Variants in CEP131 observed in about 807,000 individuals in gnomAD.
The protein encoded by CEP131 is centrosomal protein 131, also known as centrosomal protein of 131 kDa.
In CEP131, 99 loss-of-function variants were observed where a neutral mutation model predicts 136.8. The ratio of observed to expected loss-of-function variants is 0.72; its 90% CI spans 0.62 to 0.86. The LOEUF (loss-of-function observed/expected upper bound fraction) is 0.86, where lower values mean the gene tolerates loss of function less well. Ranked by LOEUF, CEP131 falls within the 40% of genes least tolerant of loss-of-function variation. CEP131 has a pLI of 0.00. For synonymous variants in CEP131, 646 were observed against 612.7 expected (o/e 1.05, Z -0.80); for missense variants, 1,459 against 1,463.0 (o/e 1.00, Z 0.04).
chr17:81,190,641 C>G lies in CEP131; in HGVS notation c.3105G>C (p.Arg1035=). The G allele has an allele frequency of 1.3e-6, 2 of 1,585,430 alleles. No individual in the cohort carries two copies. Among genetic ancestry groups the G allele is most frequent in the Non-Finnish European group, 1.7e-6 (2 of 1,170,714 alleles). ...GCCCTGCAGCCCCCGCCGCCCACCT[C>G]CGGTGCACCTCCTCCAGCTCCAGCT... The part of the protein sequence containing the change: ...RQQLELEEVH[R]RVKTALARKE... Residue 1035 remains arginine (R), a splice_region_variant and synonymous_variant, in exon 24 of 26, where the codon CGG becomes CGC. Transcript: ENST00000450824.
At chr17:81,201,581 T>C (rs999332359) in intron 7 of CEP131, among the ~76,000 whole-genome samples, 4 of 152,216 alleles carry the variant, frequency 2.6e-5, no homozygotes, top group Non-Finnish European at 4.4e-5. Flanking sequence ...TGAGGTACAA[T>C]TTCCATACTA....
Position 81,203,668 on chromosome 17 carries a change from A to C in CEP131, c.516-61T>G. 43 of 1,318,276 alleles carry C rather than the reference A, an allele frequency of 3.3e-5. No homozygotes were observed. The highest frequency in any genetic ancestry group is 4.2e-5 in the Non-Finnish European group (40 of 944,802). 81.7% of individuals were successfully genotyped at this position (1,318,276 alleles called of 1,614,324 possible). On this transcript the variant is annotated intron_variant, in intron 5 of 25. Coordinates refer to ENST00000450824, the MANE Select transcript of CEP131 (RefSeq NM_014984.4). This position sits in a 1 kb window ranked among gnomAD's most constrained non-coding sequence, Gnocchi z 4.6. ...CTCTGGAGGGGACGCCTGAGATCTCAGAGCTACACTCGCAGCACGGGCTGG... is the reference window on the plus strand; with the variant it reads ...CTCTGGAGGGGACGCCTGAGATCTCCGAGCTACACTCGCAGCACGGGCTGG...
In CEP131 at chr17:81,198,239, C is replaced by T; in HGVS notation, c.1346G>A (p.Gly449Glu). The change falls in exon 12 of 26, where the codon GGG becomes GAG. Residue 449 changes from glycine to glutamate, a missense_variant. Gly to Glu is a moderately conservative substitution (Grantham distance 98). Around this residue, in one of 3 missense-constraint regions of CEP131, gnomAD observed 1,026 missense variants for 964.2 expected, o/e 1.06. Coordinates refer to ENST00000450824, the MANE Select transcript of CEP131 (RefSeq NM_014984.4). Reference protein sequence around the residue: ...DNLEMMAPSRGSAKSRGPLEE... With the variant: ...DNLEMMAPSRESAKSRGPLEE... ...CAGTGGCCCCCTGGACTTGGCGCTCCCCCTGCTCGGGGCCATCATCTCCAG... is the reference window on the plus strand; with the variant it reads ...CAGTGGCCCCCTGGACTTGGCGCTCTCCCTGCTCGGGGCCATCATCTCCAG... 2 of 1,603,444 alleles carry T rather than the reference C, an allele frequency of 1.2e-6. No homozygotes were observed. The highest frequency in any genetic ancestry group is 1.7e-6 in the Non-Finnish European group (2 of 1,175,236).
At chr17:81,205,832 G>C (rs1567869519) in intron 5 of CEP131, among the ~76,000 whole-genome samples, 1 of 152,164 alleles carries the variant, frequency 6.6e-6, no homozygotes, top group African/African-American at 2.4e-5. Flanking sequence ...CCAGGAGGTA[G>C]AGGCTGCAGT....
rs759965035 is a variant in CEP131, at chr17:81,197,909, A to T, written c.1471-21T>A. ...TCCTCCTGTGGGACAGGAGCCCAGC[A>T]TCGGGGGCTGTCAGGGCAGCCTGAG... On this transcript the variant is annotated intron_variant, in intron 12 of 25. Transcript: ENST00000450824. The T allele has an allele frequency of 2.5e-6, 4 of 1,603,894 alleles. No homozygotes were observed. The Admixed American group carries it at 6.7e-5, about 27-fold the overall frequency.
chr17:81,204,620 A>G (rs929143301), intron 5 of CEP131, among the ~76,000 whole-genome samples: 1 of 151,990 alleles, frequency 6.6e-6, no homozygotes, highest in African/African-American at 2.4e-5. Flanking sequence ...CCAAAATCAA[A>G]CCAACAGAAC....
intron 2 of CEP131, among the ~76,000 whole-genome samples, chr17:81,214,771 CA>C (rs1023829686): frequency 0.011 from 1,700 of 148,426 alleles, 37 homozygotes; most frequent in African/African-American, 0.04. Context: ...CAATGCCTAT[CA>C]AAAAAAAAAA....
chr17:81,203,078 G>A lies in CEP131; in HGVS notation c.629+416C>T, dbSNP rs2146602572. Among the ~76,000 whole-genome samples the A allele has an allele frequency of 6.6e-6, 1 of 152,304 alleles. No homozygotes were observed. The highest frequency in any genetic ancestry group is 2.1e-4 in the South Asian group (1 of 4,830). ...CCAATCCCCGCAAGACCATGTGGTG[G>A]TGGACTCGGGGGCTCCTTTGCCCCG... On this transcript the variant is annotated intron_variant, in intron 6 of 25. Transcript: ENST00000450824. This position sits in a 1 kb window ranked among gnomAD's most constrained non-coding sequence, Gnocchi z 4.6.
rs770242250 is a variant in CEP131, at chr17:81,191,044, C to G, written c.2806G>C (p.Glu936Gln). 2.0e-5 allele frequency: 32 copies of G among 1,609,892 alleles called. No homozygotes were observed. Among genetic ancestry groups the G allele is most frequent in the South Asian group, 1.9e-4 (17 of 90,994 alleles). ...LRDKYEAELS[E>Q]LEQSERKLQE... ...AGCTTCCGCTCCGACTGCTCCAGCT[C>G]GGAGAGCTCGGCCTCGTACTTGTCC... Residue 936 changes from glutamate (E) to glutamine (Q), a missense_variant, in exon 23 of 26, where the codon GAG becomes CAG. Glu to Gln is a conservative substitution (Grantham distance 29). Around this residue, in one of 3 missense-constraint regions of CEP131, gnomAD observed 1,026 missense variants for 964.2 expected, o/e 1.06. Coordinates refer to ENST00000450824, the MANE Select transcript of CEP131 (RefSeq NM_014984.4).
Position 81,196,927 on chromosome 17 carries a change from T to C in CEP131, c.1773+3A>G, listed in dbSNP as rs750997898. On this transcript the variant is annotated splice_donor_region_variant and intron_variant, in intron 14 of 25. Transcript: ENST00000450824. ...CCGGGATTAGCAGTGCCAGCAGCGT[T>C]ACCAGCGCTCTCTGCAGCAGCAGCA... The C allele has an allele frequency of 6.2e-7, 1 of 1,609,690 alleles. No homozygotes were observed. Among genetic ancestry groups the C allele is most frequent in the Non-Finnish European group, 8.5e-7 (1 of 1,178,520 alleles).
intron 21 of CEP131, 79 bp from the exon 22 acceptor site, chr17:81,191,414 G>A (rs563064126): frequency 7.1e-7 from 1 of 1,399,948 alleles, no homozygotes; most frequent in Non-Finnish European, 1.0e-6. Context: ...GGGGTCCTGG[G>A]GGGCTCCAGG....
chr17:81,197,579 G>A, intron 13 of CEP131, 133 bp downstream of exon 13: 1 of 1,326,056 alleles, frequency 7.5e-7, no homozygotes, highest in Non-Finnish European at 1.0e-6. Flanking sequence ...GCCGGGTGGG[G>A]GCTGGCGAGA....
chr17:81,200,809 G>A (rs1055554471), intron 7 of CEP131, among the ~76,000 whole-genome samples: 7 of 152,364 alleles, frequency 4.6e-5, no homozygotes, highest in Admixed American at 3.3e-4. Flanking sequence ...CAGGCAACAG[G>A]CCCGGGACTC....
In CEP131 at chr17:81,194,094, C is replaced by A; in HGVS notation, c.2153G>T (p.Arg718Met). Residue 718 changes from arginine (R) to methionine (M), a missense_variant, in exon 18 of 26, where the codon AGG becomes ATG. By Grantham distance (91) the Arg-to-Met change is moderately conservative. Transcript: ENST00000450824. ...GAGCCTCCGCACTTCCTGCTTGTGCCTTGCAATCAGCTTCTGGATCTCGGG... is the reference window on the plus strand; with the variant it reads ...GAGCCTCCGCACTTCCTGCTTGTGCATTGCAATCAGCTTCTGGATCTCGGG... The part of the protein sequence containing the change: ...LEPEIQKLIA[R>M]HKQEVRRLKS... 6.4e-7 allele frequency: 1 copy of A among 1,563,238 alleles called. No homozygotes were observed. The highest frequency in any genetic ancestry group is 1.2e-5 in the South Asian group (1 of 84,276).
Position 81,202,340 on chromosome 17 carries a change from G to C in CEP131, c.688C>G (p.Pro230Ala). The C allele has an allele frequency of 6.2e-7, 1 of 1,613,654 alleles. No individual in the cohort carries two copies. Among genetic ancestry groups the C allele is most frequent in the East Asian group, 2.2e-5 (1 of 44,852 alleles). ...TGGGTGGCACTGGAGACATTCTTCG[G>C]CAGCTTCCCAAAGCCGCTGCTCTCA... ...GSESSGFGKL[P>A]KNVSSATHSA... The change falls in exon 7 of 26, where the codon CCG becomes GCG. Residue 230 changes from proline to alanine, a missense_variant. Transcript: ENST00000450824.
In CEP131 at chr17:81,208,925, T is replaced by C. The variant is rs766394310; in HGVS notation, c.272+3A>G. On this transcript the variant is annotated splice_donor_region_variant and intron_variant, in intron 3 of 25. Coordinates refer to ENST00000450824, the MANE Select transcript of CEP131 (RefSeq NM_014984.4). This position sits in a 1 kb window ranked among gnomAD's most constrained non-coding sequence, Gnocchi z 5.6. ...AGGGTTATCCAAGGGCCTTAGGGGT[T>C]ACCTGGGGGAGCCGCTCCGAGGCTG... 3 of 1,612,736 alleles carry C rather than the reference T, an allele frequency of 1.9e-6. No individual in the cohort carries two copies. The East Asian group carries it at 6.7e-5, about 36-fold the overall frequency.
intron 5 of CEP131, among the ~76,000 whole-genome samples, chr17:81,206,333 C>T (rs903188791): frequency 6.6e-5 from 10 of 152,298 alleles, no homozygotes; most frequent in South Asian, 2.1e-4. Context: ...TGTCCCCAAT[C>T]CCTTCCACTC....
At position 81,197,571 on chromosome 17, in the gene CEP131, CGGGTGGGGGCT is replaced by C. The variant is rs976623708; in HGVS notation, c.1647+130_1647+140del. On this transcript the variant is annotated intron_variant, in intron 13 of 25. Transcript: ENST00000450824. ...TGAGGGACCACCTCCTGCTGGGGGC[CGGGTGGGGGCT>C]GGCGAGAGACCTCCTCCCCCTGGGG... is the stretch of plus-strand genomic sequence containing the variant. 59 of 1,269,442 alleles carry C rather than the reference CGGGTGGGGGCT, an allele frequency of 4.6e-5. No homozygotes were observed. In the African/African-American group the frequency reaches 6.7e-4, roughly 14 times the overall value. The allele number at this position is 1,269,442 out of a possible 1,614,324, so 78.6% of individuals were successfully genotyped here.
chr17:81,202,520 G>A (rs1335065724), intron 6 of CEP131, 122 bp from the exon 7 acceptor site: 3 of 1,186,020 alleles, frequency 2.5e-6, no homozygotes, highest in African/African-American at 3.1e-5. Context: ...TGGCAGGCTG[G>A]CAGCCGGGGC....
Sources: gnomAD v4.1 joint callset for allele counts (sites outside exome capture counted in the v4.1 genomes callset) on GRCh38, gnomAD v4.1.1 for gene constraint, gnomAD v4.1.1 regional missense constraint, Gnocchi (gnomAD v3.1) non-coding constraint, MANE v1.5 for transcripts, NCBI Gene and HGNC (gene_info 2026-07-23, HGNC 2026-07-21) for gene names.